Variants in PLEKHG7 observed in about 807,000 individuals in gnomAD.
The protein encoded by PLEKHG7 is pleckstrin homology and RhoGEF domain containing G7.
In PLEKHG7, 77 loss-of-function variants were observed where a neutral mutation model predicts 85.2. That is an observed-to-expected ratio of 0.90 (90% CI 0.75 to 1.09). The LOEUF (loss-of-function observed/expected upper bound fraction) is 1.09. Ranked by LOEUF, PLEKHG7 falls within the 50% of genes least tolerant of loss-of-function variation. PLEKHG7 has a pLI of 0.00. For synonymous variants in PLEKHG7, 301 were observed against 302.4 expected, an observed-to-expected ratio of 1.00 and a Z score of 0.05; for missense variants, 777 against 804.3, an observed-to-expected ratio of 0.97 and a Z score of 0.41.
At chr12:92,760,638 T>C (rs1428442964) in intron 13 of PLEKHG7, among the ~76,000 whole-genome samples, 1 of 152,162 alleles carries the variant, frequency 6.6e-6, no homozygotes. Flanking sequence ...TCACTTAAAT[T>C]TAACCCTTTT....
chr12:92,726,426 A>G (rs990989097), intron 3 of PLEKHG7, among the ~76,000 whole-genome samples: 1 of 152,206 alleles, frequency 6.6e-6, no homozygotes, highest in Non-Finnish European at 1.5e-5. Context: ...ATTTCTTTCT[A>G]TGTAAAGTAT....
chr12:92,731,229 T>C (rs1351137995), intron 4 of PLEKHG7, among the ~76,000 whole-genome samples: 1 of 152,134 alleles, frequency 6.6e-6, no homozygotes, highest in Admixed American at 6.5e-5. Context: ...GAAATCTAAG[T>C]GTGGTGAAGC....
intron 13 of PLEKHG7, among the ~76,000 whole-genome samples, chr12:92,757,666 G>T (rs7136033): frequency 0.26 from 40,242 of 152,034 alleles, 5,848 homozygotes; most frequent in Non-Finnish European, 0.33. Context: ...GAGATTTGGG[G>T]CTCAGGGAGG....
rs147379257 is a variant in PLEKHG7, at chr12:92,761,678, GA to G, written c.1637-71del. 3.1e-5 allele frequency: 40 copies of G among 1,270,422 alleles called. 1 individual carries two copies. Among genetic ancestry groups the G allele is most frequent in the East Asian group, 1.0e-4 (3 of 29,388 alleles). 78.7% of individuals were successfully genotyped at this position (1,270,422 alleles called of 1,614,324 possible). A position where few individuals can be genotyped will look rare whatever the true frequency, so the allele number is the denominator to read the frequency against. Reference sequence around the variant, plus strand: ...AGAAAGAAAGAAAGAAAGAAAGAAAGAAAGAAAGGGAAAGAAAAACTCTTCT... The same window carrying G: ...AGAAAGAAAGAAAGAAAGAAAGAAAGAAGAAAGGGAAAGAAAAACTCTTCT... On this transcript the variant is annotated intron_variant, in intron 13 of 16. Coordinates refer to ENST00000344636, the MANE Select transcript of PLEKHG7 (RefSeq NM_001377329.1).
At chr12:92,749,907 A>ATTTTT (rs1872639017) in intron 10 of PLEKHG7, among the ~76,000 whole-genome samples, 1 of 124,406 alleles carries the variant, frequency 8.0e-6, no homozygotes, top group Non-Finnish European at 1.7e-5. Flanking sequence ...ATTTTATTTC[A>ATTTTT]TTTATTTTAT....
At chr12:92,719,964 G>C (rs1871590681) in intron 3 of PLEKHG7, among the ~76,000 whole-genome samples, 1 of 152,192 alleles carries the variant, frequency 6.6e-6, no homozygotes, top group African/African-American at 2.4e-5. Flanking sequence ...TTCCACATAA[G>C]GAAACGGTGG....
chr12:92,753,697 A>C (rs1433569422), intron 10 of PLEKHG7, among the ~76,000 whole-genome samples: 26 of 152,186 alleles, frequency 1.7e-4, no homozygotes, highest in Admixed American at 1.7e-3. Flanking sequence ...CTGACCCAAC[A>C]AGCAAGAATC....
At chr12:92,728,572 G>C (rs11106689) in intron 3 of PLEKHG7, among the ~76,000 whole-genome samples, 1 of 141,666 alleles carries the variant, frequency 7.1e-6, no homozygotes, top group Non-Finnish European at 1.5e-5. Flanking sequence ...CATGGTGTGT[G>C]TATGTGTACA....
intron 13 of PLEKHG7, among the ~76,000 whole-genome samples, chr12:92,760,107 T>G (rs770281492): frequency 2.0e-5 from 3 of 152,100 alleles, no homozygotes; most frequent in Non-Finnish European, 4.4e-5. Flanking sequence ...CCTTCACGAA[T>G]ATGACTCAGA....
rs1383867656 is a variant in PLEKHG7 at position 92,761,851 on chromosome 12, A to G, written c.1716+20A>G. ...AAAAAGGTAAAATGCTGCTATTTCA[A>G]AGTACGTTTCTAAACAAGTTTGCTA... On this transcript the variant is annotated intron_variant, in intron 14 of 16. Transcript: ENST00000344636. 1 of 1,554,872 alleles carries G rather than the reference A, an allele frequency of 6.4e-7. No homozygotes were observed. Among genetic ancestry groups the G allele is most frequent in the Non-Finnish European group, 8.6e-7 (1 of 1,159,696 alleles).
chr12:92,725,314 C>T (rs10859372), intron 3 of PLEKHG7, among the ~76,000 whole-genome samples: 69,856 of 151,962 alleles, frequency 0.46, 17,298 homozygotes, highest in East Asian at 0.89. Flanking sequence ...AGCCAGATCA[C>T]GGAAGGCTTG....
chr12:92,737,646 C>G (rs1197309454), intron 7 of PLEKHG7, 125 bp downstream of exon 7: 1 of 783,344 alleles, frequency 1.3e-6, no homozygotes, highest in Non-Finnish European at 1.8e-6. Flanking sequence ...GAAAGAGAGA[C>G]AAAGAGAAAG....
chr12:92,743,281 C>T (rs910357703), intron 9 of PLEKHG7, among the ~76,000 whole-genome samples: 3 of 152,178 alleles, frequency 2.0e-5, no homozygotes, highest in Non-Finnish European at 2.9e-5. Context: ...CATGTCTGCT[C>T]ACATTTCATC....
rs779675913 is a variant in PLEKHG7 at position 92,707,123 on chromosome 12, A to G, written c.492A>G (p.Arg164=). The change falls in exon 2 of 17, where the codon CGA becomes CGG. Residue 164 remains arginine (R), a synonymous_variant. Coordinates refer to ENST00000344636, the MANE Select transcript of PLEKHG7 (RefSeq NM_001377329.1). ...EGHFLPSPTL[R]HPSPQGEELH... ...ACTTCCTGCCCAGCCCCACCCTACG[A>G]CACCCTAGTCCTCAGGTAACACAGC... is the stretch of plus-strand genomic sequence containing the variant. 1.2e-6 allele frequency: 2 copies of G among 1,613,152 alleles called. No homozygotes were observed. The highest frequency in any genetic ancestry group is 2.2e-5 in the South Asian group (2 of 90,958).
At chr12:92,744,855 A>G (rs943067849) in intron 9 of PLEKHG7, among the ~76,000 whole-genome samples, 3 of 151,946 alleles carry the variant, frequency 2.0e-5, no homozygotes, top group East Asian at 1.9e-4. Flanking sequence ...TTTATTAGAG[A>G]CGGGGTTTCA....
chr12:92,736,598 T>G, intron 6 of PLEKHG7, 21 bp downstream of exon 6: 1 of 1,199,690 alleles, frequency 8.3e-7, no homozygotes, highest in Non-Finnish European at 1.0e-6. Context: ...AACTGTTAAC[T>G]ATGGGGTTTG....
At chr12:92,726,332 C>T (rs963406555) in intron 3 of PLEKHG7, among the ~76,000 whole-genome samples, 2 of 152,174 alleles carry the variant, frequency 1.3e-5, no homozygotes, top group African/African-American at 4.8e-5. Flanking sequence ...GACAAAATCA[C>T]CCTATCCAAA....
At chr12:92,733,673 T>TC (rs547297726) in intron 5 of PLEKHG7, among the ~76,000 whole-genome samples, 1 of 152,034 alleles carries the variant, frequency 6.6e-6, no homozygotes, top group Admixed American at 6.6e-5. Context: ...AAGGGGCATC[T>TC]CCCCCCTAGC....
At chr12:92,713,512 T>G (rs149708308) in intron 3 of PLEKHG7, among the ~76,000 whole-genome samples, 1,561 of 152,306 alleles carry the variant, frequency 0.01, 30 homozygotes, top group African/African-American at 0.033. Flanking sequence ...TCTGCCACCT[T>G]GGGATCCAAT....
Sources: allele counts gnomAD v4.1 joint callset (sites outside exome capture counted in the v4.1 genomes callset), GRCh38; gene constraint gnomAD v4.1.1; transcripts MANE v1.5; gene names NCBI Gene and HGNC (gene_info 2026-07-23, HGNC 2026-07-21).